DIO1: variants seen among roughly 807,000 people sequenced by gnomAD.
DIO1 encodes the protein type I iodothyronine deiodinase.
A neutral mutation model predicts 25.9 loss-of-function variants in DIO1; 17 were observed. That is an observed-to-expected ratio of 0.66 (90% CI 0.45 to 0.98). The LOEUF (loss-of-function observed/expected upper bound fraction) is 0.98. Among genes scored for constraint, DIO1 ranks in the 50% least tolerant of loss-of-function variants. The pLI is 0.00. For missense variants in DIO1, 270 were observed against 310.4 expected (o/e 0.87, Z 0.98); for synonymous variants, 115 against 114.0 (o/e 1.01, Z -0.05).
intron 1 of DIO1, among the ~76,000 whole-genome samples, chr1:53,902,246 T>A (rs897329494): frequency 6.6e-6 from 1 of 151,852 alleles, no homozygotes; most frequent in African/African-American, 2.4e-5. Flanking sequence ...AGGCCTTCCC[T>A]GCCCCGCCTG....
chr1:53,909,983 A>G lies in DIO1; in HGVS notation c.734A>G (p.Glu245Gly). ...CCAGAGGAAGTTCGTGCTGTTCTGG[A>G]AAAGCTCCACAGTTAATCTGGACAG... ...YNPEEVRAVLEKLHS is the reference protein window; with the variant it reads ...YNPEEVRAVLGKLHS The change falls in exon 4 of 4, where the codon GAA becomes GGA. Residue 245 changes from glutamate to glycine, a missense_variant. Physicochemically the swap from Glu to Gly is moderately conservative, Grantham distance 98. Coordinates refer to ENST00000361921, the MANE Select transcript of DIO1 (RefSeq NM_000792.7). The G allele has an allele frequency of 6.2e-7, 1 of 1,614,124 alleles. No homozygotes were observed. The highest frequency in any genetic ancestry group is 8.5e-7 in the Non-Finnish European group (1 of 1,179,966).
chr1:53,901,583 G>GCC (rs1306339801), intron 1 of DIO1, among the ~76,000 whole-genome samples: 1 of 152,152 alleles, frequency 6.6e-6, no homozygotes, highest in Non-Finnish European at 1.5e-5. Context: ...TGGGGTCACT[G>GCC]CCTGAGCCCT....
intron 1 of DIO1, among the ~76,000 whole-genome samples, chr1:53,900,920 C>T (rs990801470): frequency 6.0e-5 from 9 of 151,008 alleles, no homozygotes; most frequent in South Asian, 2.1e-4. Flanking sequence ...GCTTAATGGA[C>T]GCTCCAGCCT....
chr1:53,907,252 G>A (rs1251369041), intron 3 of DIO1, among the ~76,000 whole-genome samples: 1 of 152,174 alleles, frequency 6.6e-6, no homozygotes, highest in Non-Finnish European at 1.5e-5. Context: ...TGGTCAGGGT[G>A]AGGGAGGTAA....
At chr1:53,901,794 G>A (rs2100769155) in intron 1 of DIO1, among the ~76,000 whole-genome samples, 1 of 152,018 alleles carries the variant, frequency 6.6e-6, no homozygotes, top group East Asian at 1.9e-4. Flanking sequence ...GCTGAGGCAG[G>A]AGGATCACTT....
intron 1 of DIO1, among the ~76,000 whole-genome samples, chr1:53,902,106 T>C (rs1370697997): frequency 6.6e-6 from 1 of 151,622 alleles, no homozygotes; most frequent in African/African-American, 2.4e-5. Context: ...TGTGGGGCCT[T>C]GAACACACCA....
Position 53,894,191 on chromosome 1 carries a change from C to A in DIO1, c.-20C>A. 6.2e-7 allele frequency: 1 copy of A among 1,601,880 alleles called. No homozygotes were observed. The highest frequency in any genetic ancestry group is 8.5e-7 in the Non-Finnish European group (1 of 1,172,828). On this transcript the variant is annotated 5_prime_UTR_variant, in exon 1 of 4. Coordinates refer to ENST00000361921, the MANE Select transcript of DIO1 (RefSeq NM_000792.7). The surrounding 1 kb of genome is among the most constrained non-coding windows in gnomAD (Gnocchi z 4.9). ...GCCTCTCTGCCCATAGAACTCAGAG[C>A]TTACTCTGGCTTTGCCGAGATGGGG...
chr1:53,898,185 G>A (rs2100761755), intron 1 of DIO1, among the ~76,000 whole-genome samples: 1 of 152,254 alleles, frequency 6.6e-6, no homozygotes, highest in African/African-American at 2.4e-5. Context: ...AAACCTTGGG[G>A]TGGGTGAGGA....
intron 1 of DIO1, among the ~76,000 whole-genome samples, chr1:53,904,377 T>A (rs1651532421): frequency 6.6e-6 from 1 of 152,164 alleles, no homozygotes. Flanking sequence ...ATACCTGCCT[T>A]ATAAACTGCA....
chr1:53,899,082 G>A (rs7521654), intron 1 of DIO1, among the ~76,000 whole-genome samples: 4,963 of 151,966 alleles, frequency 0.033, 141 homozygotes, highest in East Asian at 0.12. Context: ...GTCCACACAC[G>A]CACACACACA....
intron 1 of DIO1, among the ~76,000 whole-genome samples, chr1:53,898,902 C>T (rs868414740): frequency 6.6e-5 from 10 of 152,162 alleles, no homozygotes; most frequent in African/African-American, 9.7e-5. Flanking sequence ...GCAACCGCTT[C>T]GTTTTTGAGA....
chr1:53,899,131 A>G (rs376510878), intron 1 of DIO1, among the ~76,000 whole-genome samples: 1 of 152,212 alleles, frequency 6.6e-6, no homozygotes, highest in South Asian at 2.1e-4. Context: ...AGAACAAAAC[A>G]TCGAGTAACT....
At chr1:53,905,376 T>C (rs1007171674) in intron 2 of DIO1, among the ~76,000 whole-genome samples, 2 of 152,112 alleles carry the variant, frequency 1.3e-5, no homozygotes, top group African/African-American at 4.8e-5. Flanking sequence ...AGTTTCACCA[T>C]GTTACTCGGG....
rs746117169 is a variant in DIO1 at position 53,906,096 on chromosome 1, T to C, written c.483T>C (p.Asp161=). The change falls in exon 3 of 4, where the codon GAT becomes GAC. Residue 161 remains aspartate, a splice_region_variant and synonymous_variant. Coordinates refer to ENST00000361921, the MANE Select transcript of DIO1 (RefSeq NM_000792.7). ...CGGTGCCTGGCCTTTCTCTTGTAGA[T>C]GGCTGGGCTTTTAAGAACAACATGG... The part of the protein sequence containing the change: ...VIYIEEAHAS[D]GWAFKNNMDI... 1 of 1,614,204 alleles carries C rather than the reference T, an allele frequency of 6.2e-7. No individual in the cohort carries two copies. Among genetic ancestry groups the C allele is most frequent in the Non-Finnish European group, 8.5e-7 (1 of 1,180,026 alleles).
intron 3 of DIO1, among the ~76,000 whole-genome samples, chr1:53,906,650 G>GTTTC (rs746818564): frequency 6.6e-6 from 1 of 150,532 alleles, no homozygotes. Context: ...TGTTTTTTGG[G>GTTTC]TTTCTTTCTT....
At chr1:53,904,619 A>G in intron 1 of DIO1, 47 bp from the exon 2 acceptor site, 1 of 1,590,822 alleles carries the variant, frequency 6.3e-7, no homozygotes, top group Non-Finnish European at 8.5e-7. Context: ...CTTGTAAAAG[A>G]AAGCTGTGTG....
rs1409647732 is a variant in DIO1, at chr1:53,904,653, G to C, written c.338-13G>C. On this transcript the variant is annotated splice_polypyrimidine_tract_variant and intron_variant, in intron 1 of 3. Coordinates refer to ENST00000361921, the MANE Select transcript of DIO1 (RefSeq NM_000792.7). ...TGTAGGGTCTCAGTTTGTGATGGTT[G>C]TTGCTGTTTCAGGTAATAGGCCACT... The C allele has an allele frequency of 1.2e-6, 2 of 1,611,012 alleles. No homozygotes were observed. The highest frequency in any genetic ancestry group is 2.2e-5 in the South Asian group (2 of 90,446).
Position 53,910,127 on chromosome 1 carries a change from G to C in DIO1, c.*128G>C, listed in dbSNP as rs1045151863. The C allele has an allele frequency of 1.3e-5, 10 of 775,662 alleles. No homozygotes were observed. The highest frequency in any genetic ancestry group is 5.1e-5 in the African/African-American group (3 of 58,696). 48.0% of individuals were successfully genotyped at this position (775,662 alleles called of 1,614,324 possible). A position where few individuals can be genotyped will look rare whatever the true frequency, so the allele number is the denominator to read the frequency against. ...CTGAATCACTAGCTCAGATTTTTCT[G>C]ATCTAAGCAAACAACTCCCAGCTGA... On this transcript the variant is annotated 3_prime_UTR_variant, in exon 4 of 4. Transcript: ENST00000361921.
intron 1 of DIO1, among the ~76,000 whole-genome samples, chr1:53,897,026 T>C (rs2100759642): frequency 6.6e-6 from 1 of 152,374 alleles, no homozygotes; most frequent in East Asian, 1.9e-4. Flanking sequence ...CACATGCCCA[T>C]GTGCCAAGCA....
Sources: gnomAD v4.1 joint callset for allele counts (sites outside exome capture counted in the v4.1 genomes callset) on GRCh38, gnomAD v4.1.1 for gene constraint, Gnocchi (gnomAD v3.1) non-coding constraint, MANE v1.5 for transcripts, NCBI Gene and HGNC (gene_info 2026-07-23, HGNC 2026-07-21) for gene names.